The following ITGB5 variants were observed in gnomAD, a reference collection of about 807,000 sequenced individuals.
The protein encoded by ITGB5 is integrin subunit beta 5, also known as integrin beta-5.
Under a neutral mutation model 84.8 loss-of-function variants are expected in ITGB5, and 38 were observed. That is an observed-to-expected ratio of 0.45 (90% CI 0.35 to 0.59). The LOEUF (loss-of-function observed/expected upper bound fraction) is 0.59, where lower values mean the gene tolerates loss of function less well. Ranked by LOEUF, ITGB5 falls within the 20% of genes least tolerant of loss-of-function variation. The pLI, the probability that ITGB5 is intolerant of heterozygous loss-of-function variation, is 0.01. For missense variants in ITGB5, 905 were observed against 1,034.5 expected, an observed-to-expected ratio of 0.87 and a Z score of 1.72; for synonymous variants, 393 against 414.4, an observed-to-expected ratio of 0.95 and a Z score of 0.63.
At chr3:124,818,308 G>A (rs2064638456) in intron 7 of ITGB5, among the ~76,000 whole-genome samples, 1 of 152,066 alleles carries the variant, frequency 6.6e-6, no homozygotes, top group African/African-American at 2.4e-5. Context: ...TTCTAACAGT[G>A]ACAGAGACAT....
intron 5 of ITGB5, among the ~76,000 whole-genome samples, chr3:124,826,450 T>TAGAA (rs1230815547): frequency 1.3e-4 from 20 of 152,224 alleles, no homozygotes; most frequent in African/African-American, 4.8e-4. Context: ...TTCTTATCAG[T>TAGAA]AGAACAGGAA....
At chr3:124,858,409 C>T (rs1006889905) in intron 3 of ITGB5, among the ~76,000 whole-genome samples, 1 of 152,152 alleles carries the variant, frequency 6.6e-6, no homozygotes, top group Non-Finnish European at 1.5e-5. Context: ...GAGCAACTTG[C>T]ATTCACTAAG....
At chr3:124,774,035 G>C (rs1348511412) in intron 10 of ITGB5, 123 bp from the exon 11 acceptor site, 1 of 862,926 alleles carries the variant, frequency 1.2e-6, no homozygotes, top group East Asian at 2.7e-5. Context: ...TCTGCCCTCA[G>C]AGCCTGTTTG....
intron 5 of ITGB5, among the ~76,000 whole-genome samples, chr3:124,827,116 A>C (rs557479122): frequency 2.0e-5 from 3 of 152,294 alleles, no homozygotes; most frequent in African/African-American, 7.2e-5. Flanking sequence ...ACAACAAAAC[A>C]AAACAAAAAA....
chr3:124,875,286 T>G (rs137932206), intron 1 of ITGB5, among the ~76,000 whole-genome samples: 2 of 152,112 alleles, frequency 1.3e-5, no homozygotes, highest in Non-Finnish European at 2.9e-5. Context: ...GAGACCAGCC[T>G]GGGCAACATG....
At chr3:124,807,850 G>A (rs2107534885) in intron 9 of ITGB5, among the ~76,000 whole-genome samples, 1 of 147,292 alleles carries the variant, frequency 6.8e-6, no homozygotes, top group East Asian at 2.1e-4. Flanking sequence ...GCTGAGGCAG[G>A]AGAATGGCGT....
intron 5 of ITGB5, among the ~76,000 whole-genome samples, chr3:124,829,147 T>C (rs2064824543): frequency 1.3e-5 from 2 of 152,258 alleles, no homozygotes; most frequent in Admixed American, 1.3e-4. Flanking sequence ...AATAGAATTA[T>C]GGGTGATGCT....
intron 5 of ITGB5, among the ~76,000 whole-genome samples, chr3:124,837,017 A>G (rs957841800): frequency 6.6e-6 from 1 of 152,232 alleles, no homozygotes; most frequent in Non-Finnish European, 1.5e-5. Context: ...ATTGGGTTGC[A>G]CTGATTTATT....
At chr3:124,823,270 A>C (rs2064734069) in intron 5 of ITGB5, among the ~76,000 whole-genome samples, 1 of 151,922 alleles carries the variant, frequency 6.6e-6, no homozygotes, top group Non-Finnish European at 1.5e-5. Flanking sequence ...CTGTAAAAAA[A>C]TAAATAAATA....
At chr3:124,860,032 T>C (rs561840605) in intron 2 of ITGB5, among the ~76,000 whole-genome samples, 2 of 152,202 alleles carry the variant, frequency 1.3e-5, no homozygotes, top group Non-Finnish European at 2.9e-5. Flanking sequence ...AGTTGTTCAC[T>C]TATCATCTTT....
At chr3:124,850,529 A>AT (rs1318725865) in intron 3 of ITGB5, among the ~76,000 whole-genome samples, 1 of 116,714 alleles carries the variant, frequency 8.6e-6, no homozygotes, top group African/African-American at 3.4e-5. Context: ...GTATAAGCCT[A>AT]TTTTTTAAAA....
At chr3:124,864,096 CTTTTTTTTTTTTTT>C (rs558311822) in intron 2 of ITGB5, among the ~76,000 whole-genome samples, 1 of 45,466 alleles carries the variant, frequency 2.2e-5, no homozygotes, top group African/African-American at 6.9e-5. Context: ...ACCTATATTT[CTTTTTTTTTTTTTT>C]TTTTTTTTTT....
chr3:124,798,163 C>T (rs1289173617), intron 9 of ITGB5, among the ~76,000 whole-genome samples: 1 of 147,826 alleles, frequency 6.8e-6, no homozygotes, highest in East Asian at 2.1e-4. Context: ...AGCCATTCTC[C>T]TGCCTCAGCC....
intron 1 of ITGB5, among the ~76,000 whole-genome samples, chr3:124,875,342 G>T (rs774006791): frequency 6.6e-6 from 1 of 151,918 alleles, no homozygotes; most frequent in African/African-American, 2.4e-5. Flanking sequence ...GCTGGGTGTG[G>T]TGGTGCACCT....
chr3:124,896,541 G>A (rs1337178732), intron 1 of ITGB5, among the ~76,000 whole-genome samples: 1 of 152,010 alleles, frequency 6.6e-6, no homozygotes, highest in Non-Finnish European at 1.5e-5. Flanking sequence ...TTGAGCCCAG[G>A]AGCTTGAAAC....
At chr3:124,879,172 C>T (rs1934464702) in intron 1 of ITGB5, among the ~76,000 whole-genome samples, 1 of 152,186 alleles carries the variant, frequency 6.6e-6, no homozygotes, top group Non-Finnish European at 1.5e-5. Context: ...CCCCAACAAC[C>T]CAAGCCAGGC....
intron 9 of ITGB5, among the ~76,000 whole-genome samples, chr3:124,806,070 C>T (rs2064397319): frequency 6.6e-6 from 1 of 152,182 alleles, no homozygotes; most frequent in African/African-American, 2.4e-5. Flanking sequence ...TCAGTCAAGT[C>T]CTCCCTCTGG....
intron 1 of ITGB5, among the ~76,000 whole-genome samples, chr3:124,884,854 T>C (rs1465845038): frequency 6.6e-6 from 1 of 151,976 alleles, no homozygotes. Flanking sequence ...CTGACCCAAG[T>C]AGAGGGGAAG....
chr3:124,887,654 C>A (rs1934892543), upstream of ITGB5: 1 of 447,760 alleles, frequency 2.2e-6, no homozygotes, highest in African/African-American at 2.0e-5. Flanking sequence ...GTTGCTTAGC[C>A]GCCCGTCGCC....
Sources: allele counts gnomAD v4.1 joint callset (sites outside exome capture counted in the v4.1 genomes callset), GRCh38; gene constraint gnomAD v4.1.1; transcripts MANE v1.5; gene names NCBI Gene and HGNC (gene_info 2026-07-23, HGNC 2026-07-21).